Variants in PTPRZ1 observed in about 807,000 individuals in gnomAD.
PTPRZ1 encodes the protein protein tyrosine phosphatase receptor type Z1.
A neutral mutation model predicts 214.1 loss-of-function variants in PTPRZ1; 82 were observed. That is an observed-to-expected ratio of 0.38 (90% CI 0.32 to 0.46). The LOEUF is 0.46. Ranked by LOEUF, PTPRZ1 falls within the 20% of genes least tolerant of loss-of-function variation. PTPRZ1 has a pLI of 1.00. For missense variants in PTPRZ1, 2,603 were observed against 2,748.7 expected (o/e 0.95, Z 1.19); for synonymous variants, 945 against 987.9 (o/e 0.96, Z 0.81).
chr7:121,901,416 G>T (rs1424432322), intron 1 of PTPRZ1, among the ~76,000 whole-genome samples: 1 of 152,070 alleles, frequency 6.6e-6, no homozygotes, highest in African/African-American at 2.4e-5. Context: ...TTTGTTTCAA[G>T]ATATAAAATA....
chr7:121,986,100 G>A (rs1482655779), intron 8 of PTPRZ1, among the ~76,000 whole-genome samples: 3 of 152,164 alleles, frequency 2.0e-5, no homozygotes, highest in Non-Finnish European at 4.4e-5. Context: ...TCACAGTTAA[G>A]TGTTAAAGGC....
Position 122,011,900 on chromosome 7 carries a change from G to A in PTPRZ1, c.2854G>A (p.Asp952Asn). 1.2e-6 allele frequency: 2 copies of A among 1,614,204 alleles called. No homozygotes were observed. Among genetic ancestry groups the A allele is most frequent in the Non-Finnish European group, 1.7e-6 (2 of 1,180,022 alleles). The change falls in exon 12 of 30, where the codon GAT (aspartate) becomes AAT (asparagine). Residue 952 changes from aspartate to asparagine, a missense_variant. Physicochemically the swap from Asp to Asn is conservative, Grantham distance 23. This residue lies in a region of PTPRZ1 where 1,913 missense variants were observed against 1,914.3 expected (regional missense o/e 1.00). Transcript: ENST00000393386. ...TTACAGTTCTGCAATACCTGTGCAT[G>A]ATTCTGTGGGTGTAACTTATCAGGG... Reference protein sequence around the residue: ...VSYSSAIPVHDSVGVTYQGSL... With the variant: ...VSYSSAIPVHNSVGVTYQGSL...
rs760345887 is a variant in PTPRZ1, at chr7:122,041,299, A to G, written c.5801+320A>G. Among the ~76,000 whole-genome samples, 6 of 148,060 alleles carry G rather than the reference A, an allele frequency of 4.1e-5. 1 individual carries two copies. Among genetic ancestry groups the G allele is most frequent in the Non-Finnish European group, 4.6e-5 (3 of 65,528 alleles). The stretch of plus-strand genomic sequence containing the variant: ...GTTAAACAAATATTTACCTCAACAT[A>G]TAATACCATGGGATAAAAATGCTTG... On this transcript the variant is annotated intron_variant, in intron 21 of 29. Coordinates refer to ENST00000393386, the MANE Select transcript of PTPRZ1 (RefSeq NM_002851.3).
chr7:121,928,087 T>C, intron 1 of PTPRZ1, 69 bp from the exon 2 acceptor site: 1 of 1,084,692 alleles, frequency 9.2e-7, no homozygotes, highest in Non-Finnish European at 1.4e-6. Context: ...GTATGAATAA[T>C]TTGGGCATCT....
chr7:122,051,064 A>G (rs1206451837), intron 23 of PTPRZ1, among the ~76,000 whole-genome samples: 1 of 152,172 alleles, frequency 6.6e-6, no homozygotes. Flanking sequence ...AATTATATAC[A>G]TATATATGTA....
chr7:122,044,019 A>G (rs1269656873), intron 22 of PTPRZ1, among the ~76,000 whole-genome samples: 1 of 152,256 alleles, frequency 6.6e-6, no homozygotes, highest in African/African-American at 2.4e-5. Flanking sequence ...GTTAAATTGT[A>G]TATGACAAGC....
intron 5 of PTPRZ1, 83 bp from the exon 6 acceptor site, chr7:121,976,702 G>T: frequency 9.1e-7 from 1 of 1,099,786 alleles, no homozygotes. Context: ...TATTTAAAAT[G>T]GAATTCATTA....
intron 27 of PTPRZ1, among the ~76,000 whole-genome samples, chr7:122,057,109 G>A (rs1380145533): frequency 1.3e-5 from 2 of 151,858 alleles, no homozygotes; most frequent in Admixed American, 6.6e-5. Context: ...TTAGTCACAT[G>A]CAAAATTTCC....
At chr7:121,907,289 G>T (rs1481720563) in intron 1 of PTPRZ1, among the ~76,000 whole-genome samples, 1 of 151,914 alleles carries the variant, frequency 6.6e-6, no homozygotes, top group Non-Finnish European at 1.5e-5. Flanking sequence ...TAGTTTTCCT[G>T]AAGAACTACA....
chr7:121,976,907 T>C (rs1797455609), intron 6 of PTPRZ1, 56 bp downstream of exon 6: 8 of 1,462,000 alleles, frequency 5.5e-6, no homozygotes, highest in Non-Finnish European at 7.6e-6. Context: ...TGGATAAGAA[T>C]GTTGACAATA....
At chr7:122,001,082 A>G (rs1472121320) in intron 10 of PTPRZ1, among the ~76,000 whole-genome samples, 1 of 152,168 alleles carries the variant, frequency 6.6e-6, no homozygotes, top group Non-Finnish European at 1.5e-5. Context: ...CATTTAAATT[A>G]ATAATTTGCT....
chr7:122,016,417 A>G (rs942086198), intron 12 of PTPRZ1, among the ~76,000 whole-genome samples: 1 of 152,070 alleles, frequency 6.6e-6, no homozygotes, highest in Non-Finnish European at 1.5e-5. Flanking sequence ...ATAAAAATAA[A>G]ATCAGTAAAA....
At chr7:121,960,617 G>A (rs1796845698) in intron 2 of PTPRZ1, among the ~76,000 whole-genome samples, 1 of 152,026 alleles carries the variant, frequency 6.6e-6, no homozygotes, top group South Asian at 2.1e-4. Context: ...ATATTTGAAG[G>A]TAAGACTCAA....
intron 8 of PTPRZ1, among the ~76,000 whole-genome samples, chr7:121,984,660 C>A (rs1338782992): frequency 6.6e-6 from 1 of 152,028 alleles, no homozygotes; most frequent in African/African-American, 2.4e-5. Context: ...AATAAATGCA[C>A]TGAGTTATTA....
At chr7:121,912,499 ATGTT>A (rs1179930212) in intron 1 of PTPRZ1, among the ~76,000 whole-genome samples, 2 of 152,204 alleles carry the variant, frequency 1.3e-5, no homozygotes, top group Non-Finnish European at 2.9e-5. Flanking sequence ...ATACAGGTGT[ATGTT>A]CATTGAAATA....
intron 23 of PTPRZ1, among the ~76,000 whole-genome samples, chr7:122,046,911 AAAATG>A (rs1792006330): frequency 6.6e-6 from 1 of 152,234 alleles, no homozygotes; most frequent in Admixed American, 6.5e-5. Flanking sequence ...TAGCCAATTA[AAAATG>A]AAATGTCTAA....
intron 11 of PTPRZ1, among the ~76,000 whole-genome samples, chr7:122,008,535 C>T (rs567332065): frequency 7.8e-4 from 118 of 152,146 alleles, no homozygotes; most frequent in Non-Finnish European, 1.5e-3. Flanking sequence ...TTAGTTATAA[C>T]AGGACAGGAG....
rs1797853039 is a variant in PTPRZ1, at chr7:121,988,974, A to G, written c.928+4857A>G. ...AGAAAGATTCTAATTTTAAAAAGAT[A>G]GTATCAGTATTATGACAGAATTGTT... On this transcript the variant is annotated intron_variant, in intron 8 of 29. Transcript: ENST00000393386. 3.3e-5 allele frequency among the ~76,000 whole-genome samples: 5 copies of G among 152,238 alleles called. No individual in the cohort carries two copies. In the South Asian group the frequency reaches 1.0e-3, roughly 32 times the overall value.
intron 13 of PTPRZ1, 86 bp from the exon 14 acceptor site, chr7:122,028,466 A>T: frequency 1.0e-6 from 1 of 989,030 alleles, no homozygotes; most frequent in Non-Finnish European, 1.6e-6. Context: ...AATTCTGGAG[A>T]TTTCTATCAA....
Sources: gnomAD v4.1 joint callset for allele counts (sites outside exome capture counted in the v4.1 genomes callset) on GRCh38, gnomAD v4.1.1 for gene constraint, gnomAD v4.1.1 regional missense constraint, MANE v1.5 for transcripts, NCBI Gene and HGNC (gene_info 2026-07-23, HGNC 2026-07-21) for gene names.